The following ZSCAN25 variants were observed in gnomAD, a reference collection of about 807,000 sequenced individuals.
ZSCAN25 encodes the protein zinc finger and SCAN domain containing 25.
In ZSCAN25, 27 loss-of-function variants were observed where a neutral mutation model predicts 38.7. The observed-to-expected ratio is 0.70, with a 90% CI of 0.51 to 0.96. ZSCAN25 has a LOEUF of 0.96. ZSCAN25 is among the 40% of genes least tolerant of loss of function. The pLI is 0.00. For synonymous variants in ZSCAN25, 273 were observed against 277.7 expected, an observed-to-expected ratio of 0.98 and a Z score of 0.17; for missense variants, 637 against 705.9, an observed-to-expected ratio of 0.90 and a Z score of 1.11.
chr7:99,674,992 A>G, the ZSCAN25 span, among the ~76,000 whole-genome samples: 2 of 152,248 alleles, frequency 1.3e-5, no homozygotes, highest in African/African-American at 4.8e-5. Context: ...AATCTCCTCC[A>G]TCAGTATCCT....
chr7:99,714,029 C>G, the ZSCAN25 span, among the ~76,000 whole-genome samples: 1 of 152,162 alleles, frequency 6.6e-6, no homozygotes, highest in African/African-American at 2.4e-5. Context: ...CTGAGTTAGC[C>G]AGCCTTGCAG....
the ZSCAN25 span, among the ~76,000 whole-genome samples, chr7:99,682,910 A>G: frequency 2.0e-5 from 3 of 152,068 alleles, no homozygotes; most frequent in Admixed American, 1.3e-4. Context: ...TATTTTTGCC[A>G]GATTGTTCAC....
the ZSCAN25 span, chr7:99,663,807 TC>T: frequency 3.7e-6 from 5 of 1,334,530 alleles, no homozygotes; most frequent in East Asian, 3.0e-5. Flanking sequence ...CTCATCTCCT[TC>T]CCCAATCTCC....
At chr7:99,693,254 C>T in the ZSCAN25 span, among the ~76,000 whole-genome samples, 1 of 151,748 alleles carries the variant, frequency 6.6e-6, no homozygotes, top group African/African-American at 2.4e-5. Context: ...TCTGCCTCAT[C>T]CTTCCTCTGG....
At chr7:99,737,986 G>C in the ZSCAN25 span, among the ~76,000 whole-genome samples, 2 of 152,154 alleles carry the variant, frequency 1.3e-5, no homozygotes, top group Non-Finnish European at 2.9e-5. Flanking sequence ...AGCAACACTT[G>C]CCTCTCCCCT....
chr7:99,655,260 G>T, the ZSCAN25 span, among the ~76,000 whole-genome samples: 2 of 152,244 alleles, frequency 1.3e-5, no homozygotes, highest in African/African-American at 2.4e-5. Flanking sequence ...TTTGTATAAG[G>T]TGTAAGGAAG....
chr7:99,735,335 C>A, the ZSCAN25 span: 1 of 549,330 alleles, frequency 1.8e-6, no homozygotes, highest in Non-Finnish European at 3.3e-6. Flanking sequence ...TAATCACACA[C>A]ACACCACTCA....
chr7:99,666,763 G>C, the ZSCAN25 span: 1 of 1,610,078 alleles, frequency 6.2e-7, no homozygotes, highest in Non-Finnish European at 8.5e-7. Context: ...GCTTTCTCCA[G>C]CATGGAGCAG....
the ZSCAN25 span, among the ~76,000 whole-genome samples, chr7:99,718,255 TA>T: frequency 6.6e-6 from 1 of 152,088 alleles, no homozygotes; most frequent in Non-Finnish European, 1.5e-5. Context: ...ACATGTACCC[TA>T]AAAAAAGTAT....
the ZSCAN25 span, chr7:99,722,271 C>G: frequency 6.2e-7 from 1 of 1,613,414 alleles, no homozygotes; most frequent in Admixed American, 1.7e-5. Context: ...CAAGTCTATC[C>G]AATGGAATCT....
At chr7:99,691,994 G>C in the ZSCAN25 span, among the ~76,000 whole-genome samples, 1 of 152,144 alleles carries the variant, frequency 6.6e-6, no homozygotes, top group Non-Finnish European at 1.5e-5. Context: ...TAGCATCGAT[G>C]GTCTTTACCA....
At chr7:99,666,417 T>G in the ZSCAN25 span, among the ~76,000 whole-genome samples, 13 of 152,198 alleles carry the variant, frequency 8.5e-5, no homozygotes, top group Non-Finnish European at 1.6e-4. Flanking sequence ...GAGAAGGCCC[T>G]TTTCCCTTGC....
the ZSCAN25 span, chr7:99,710,939 G>C: frequency 6.2e-7 from 1 of 1,612,728 alleles, no homozygotes; most frequent in Non-Finnish European, 8.5e-7. Flanking sequence ...TCAATGTAGG[G>C]CATCACAGTT....
chr7:99,707,749 A>C, the ZSCAN25 span: 1 of 1,599,904 alleles, frequency 6.3e-7, no homozygotes, highest in Admixed American at 1.7e-5. Flanking sequence ...TTTTTTAAAT[A>C]TATAGACCAT....
the ZSCAN25 span, chr7:99,663,906 G>A: frequency 6.5e-7 from 1 of 1,527,334 alleles, no homozygotes; most frequent in Non-Finnish European, 8.7e-7. Context: ...GCTCTATCAT[G>A]TGTATAAAAT....
chr7:99,700,591 G>A, the ZSCAN25 span, among the ~76,000 whole-genome samples: 4 of 152,080 alleles, frequency 2.6e-5, no homozygotes, highest in African/African-American at 7.2e-5. Context: ...TCCTCTGGGT[G>A]CCTCCTATCC....
At chr7:99,694,489 C>T in the ZSCAN25 span, among the ~76,000 whole-genome samples, 1 of 152,258 alleles carries the variant, frequency 6.6e-6, no homozygotes. Context: ...ACTTGCTCAG[C>T]GTTTTCACTG....
chr7:99,625,742 G>T (rs915047394), intron 7 of ZSCAN25, among the ~76,000 whole-genome samples: 4 of 152,158 alleles, frequency 2.6e-5, no homozygotes, highest in African/African-American at 9.7e-5. Context: ...ATTCTCAGAA[G>T]ATTTTCATGC....
At chr7:99,650,691 C>T in the ZSCAN25 span, among the ~76,000 whole-genome samples, 1 of 152,212 alleles carries the variant, frequency 6.6e-6, no homozygotes, top group East Asian at 1.9e-4. Flanking sequence ...CCTGTCATCT[C>T]TTTTTTTCTA....
Sources: allele counts gnomAD v4.1 joint callset (sites outside exome capture counted in the v4.1 genomes callset), GRCh38; gene constraint gnomAD v4.1.1; transcripts MANE v1.5; gene names NCBI Gene and HGNC (gene_info 2026-07-23, HGNC 2026-07-21).